The following RNGTT variants were observed in gnomAD, a reference collection of about 807,000 sequenced individuals.
The protein encoded by RNGTT is RNA guanylyltransferase and 5'-phosphatase.
RNGTT carries 33 observed loss-of-function variants against 79.3 expected under a neutral mutation model. That is an observed-to-expected ratio of 0.42 (90% CI 0.32 to 0.56). RNGTT has a LOEUF of 0.56. RNGTT is among the 20% of genes least tolerant of loss of function. The pLI is 0.17. For missense variants in RNGTT, 497 were observed against 739.1 expected (o/e 0.67, Z 3.80); for synonymous variants, 222 against 235.9 (o/e 0.94, Z 0.54).
At position 88,824,854 on chromosome 6, in the gene RNGTT, T is replaced by C. The variant is rs1005356966; in HGVS notation, c.1269+19503A>G. On this transcript the variant is annotated intron_variant, in intron 11 of 15. Coordinates refer to ENST00000369485, the MANE Select transcript of RNGTT (RefSeq NM_003800.5). ...GCAACCTGGGTCCAAGAGATTCTCC[T>C]ACCTCTGCCTCCAGAGTAGCTGGGA... 2.0e-5 allele frequency among the ~76,000 whole-genome samples: 3 copies of C among 147,536 alleles called. No individual in the cohort carries two copies. In the East Asian group the frequency reaches 5.9e-4, roughly 29 times the overall value.
chr6:88,614,414 G>T lies in RNGTT; in HGVS notation c.1507-19C>A, dbSNP rs1772145136. 1 of 1,610,562 alleles carries T rather than the reference G, an allele frequency of 6.2e-7. No homozygotes were observed. Among genetic ancestry groups the T allele is most frequent in the East Asian group, 2.2e-5 (1 of 44,846 alleles). ...TTGTCACCTGTTTTGAAAGAGAATTGAGGAAAATATTTAAATAACTTGAAA... is the reference window on the plus strand; with the variant it reads ...TTGTCACCTGTTTTGAAAGAGAATTTAGGAAAATATTTAAATAACTTGAAA... On this transcript the variant is annotated intron_variant, in intron 14 of 15. Transcript: ENST00000369485.
At chr6:88,862,397 C>G (rs1291554007) in intron 8 of RNGTT, among the ~76,000 whole-genome samples, 2 of 152,176 alleles carry the variant, frequency 1.3e-5, no homozygotes, top group African/African-American at 4.8e-5. Context: ...AGCTTCCAGA[C>G]AGCAGAACAC....
At chr6:88,826,712 G>T (rs145353961) in intron 11 of RNGTT, among the ~76,000 whole-genome samples, 1 of 150,742 alleles carries the variant, frequency 6.6e-6, no homozygotes, top group African/African-American at 2.4e-5. Flanking sequence ...GAACCTGGGA[G>T]GCAGAGGTTG....
intron 13 of RNGTT, among the ~76,000 whole-genome samples, chr6:88,681,480 T>C (rs1775092796): frequency 6.6e-6 from 1 of 152,310 alleles, no homozygotes; most frequent in East Asian, 1.9e-4. Context: ...TTTTAACATG[T>C]GTCATAATTT....
intron 11 of RNGTT, among the ~76,000 whole-genome samples, chr6:88,806,020 C>T (rs1358128772): frequency 6.6e-6 from 1 of 152,114 alleles, no homozygotes; most frequent in Admixed American, 6.6e-5. Context: ...TCCCCACCCA[C>T]AAATGAAGCC....
At chr6:88,933,748 A>G (rs1321612251) in intron 2 of RNGTT, among the ~76,000 whole-genome samples, 1 of 152,084 alleles carries the variant, frequency 6.6e-6, no homozygotes, top group East Asian at 1.9e-4. Context: ...TGATGATTTC[A>G]TTTTTTCTTC....
intron 13 of RNGTT, among the ~76,000 whole-genome samples, chr6:88,700,024 TTAA>T (rs2127801256): frequency 6.6e-6 from 1 of 152,276 alleles, no homozygotes; most frequent in East Asian, 1.9e-4. Context: ...AATAATGCAC[TTAA>T]TGCCACTGAT....
chr6:88,630,166 G>T (rs1041030296), intron 14 of RNGTT, among the ~76,000 whole-genome samples: 2 of 152,146 alleles, frequency 1.3e-5, no homozygotes, highest in African/African-American at 4.8e-5. Context: ...TGTTTTGGGG[G>T]TTTATTCAAA....
At chr6:88,804,918 T>A (rs1374648782) in intron 11 of RNGTT, among the ~76,000 whole-genome samples, 1 of 152,192 alleles carries the variant, frequency 6.6e-6, no homozygotes, top group South Asian at 2.1e-4. Context: ...TGACTAATGT[T>A]AAGAAAATGC....
chr6:88,730,273 T>C (rs1052875207), intron 13 of RNGTT, among the ~76,000 whole-genome samples: 7 of 152,200 alleles, frequency 4.6e-5, no homozygotes, highest in Non-Finnish European at 5.9e-5. Flanking sequence ...CTCATTCCCA[T>C]TACCTGCTCT....
chr6:88,773,596 T>C (rs907336540), intron 12 of RNGTT, among the ~76,000 whole-genome samples: 2 of 151,316 alleles, frequency 1.3e-5, no homozygotes, highest in African/African-American at 2.4e-5. Flanking sequence ...AAACAGGTGG[T>C]ACTAGCATAA....
chr6:88,811,323 T>C (rs902832926), intron 11 of RNGTT, among the ~76,000 whole-genome samples: 1 of 152,196 alleles, frequency 6.6e-6, no homozygotes, highest in Non-Finnish European at 1.5e-5. Flanking sequence ...ATAAGGTTTT[T>C]CCTATAAAAC....
intron 13 of RNGTT, among the ~76,000 whole-genome samples, chr6:88,706,994 G>A (rs1435784855): frequency 6.6e-6 from 1 of 152,128 alleles, no homozygotes; most frequent in Non-Finnish European, 1.5e-5. Context: ...CCTTTAAAGA[G>A]GAAGAAGGTG....
At chr6:88,864,847 C>T (rs752117728) in intron 8 of RNGTT, among the ~76,000 whole-genome samples, 1 of 152,084 alleles carries the variant, frequency 6.6e-6, no homozygotes, top group Non-Finnish European at 1.5e-5. Flanking sequence ...CACAACTGGA[C>T]AAACACTGTA....
intron 14 of RNGTT, among the ~76,000 whole-genome samples, chr6:88,669,914 T>C (rs1024654618): frequency 1.1e-4 from 16 of 152,282 alleles, no homozygotes; most frequent in African/African-American, 3.8e-4. Flanking sequence ...CACAAGATGG[T>C]TCGTGGGGAT....
chr6:88,910,842 T>G (rs189342808), intron 4 of RNGTT, among the ~76,000 whole-genome samples: 1 of 152,162 alleles, frequency 6.6e-6, no homozygotes, highest in Admixed American at 6.5e-5. Context: ...ATATTTAGCA[T>G]CCTAGGAGAA....
intron 14 of RNGTT, among the ~76,000 whole-genome samples, chr6:88,660,238 A>T (rs945758987): frequency 3.9e-5 from 6 of 152,166 alleles, no homozygotes; most frequent in African/African-American, 1.4e-4. Context: ...CACAATGAAA[A>T]CAAAACAAAA....
At chr6:88,786,350 T>C (rs1195903333) in intron 12 of RNGTT, among the ~76,000 whole-genome samples, 4 of 152,172 alleles carry the variant, frequency 2.6e-5, no homozygotes, top group Non-Finnish European at 5.9e-5. Flanking sequence ...TAAGATTTCA[T>C]TTTACTACCA....
chr6:88,931,683 A>C (rs971356709), intron 2 of RNGTT, among the ~76,000 whole-genome samples: 3 of 152,230 alleles, frequency 2.0e-5, no homozygotes, highest in Non-Finnish European at 4.4e-5. Context: ...ATACATGGCC[A>C]TATGCATATT....
Sources: allele counts gnomAD v4.1 joint callset (sites outside exome capture counted in the v4.1 genomes callset), GRCh38; gene constraint gnomAD v4.1.1; transcripts MANE v1.5; gene names NCBI Gene and HGNC (gene_info 2026-07-23, HGNC 2026-07-21).